AKAP9: variants seen among roughly 807,000 people sequenced by gnomAD.
AKAP9 encodes the protein A-kinase anchor protein 9.
A neutral mutation model predicts 488.5 loss-of-function variants in AKAP9; 311 were observed. The observed-to-expected ratio is 0.64, with a 90% CI of 0.58 to 0.70. The LOEUF (loss-of-function observed/expected upper bound fraction) is 0.70. Among genes scored for constraint, AKAP9 ranks in the 30% least tolerant of loss-of-function variants. AKAP9 has a pLI of 0.00. For missense variants in AKAP9, 4,215 were observed against 4,374.5 expected, an observed-to-expected ratio of 0.96 and a Z score of 1.03; for synonymous variants, 1,462 against 1,483.5, an observed-to-expected ratio of 0.99 and a Z score of 0.33.
At chr7:91,985,299 G>A (rs1379112223) in intron 3 of AKAP9, among the ~76,000 whole-genome samples, 10 of 152,110 alleles carry the variant, frequency 6.6e-5, no homozygotes, top group African/African-American at 7.2e-5. Context: ...TCAATACCTA[G>A]TTTATTGAGA....
rs796606265 is a variant in AKAP9, at chr7:92,091,585, C to CAAAA, written c.9359-1503_9359-1500dup. 2.5e-3 allele frequency among the ~76,000 whole-genome samples: 56 copies of CAAAA among 22,046 alleles called. 2 individuals are homozygous for CAAAA. The highest frequency in any genetic ancestry group is 4.8e-3 in the African/African-American group (39 of 8,102). 14.5% of individuals were successfully genotyped at this position (22,046 alleles called of 152,430 possible). A position where few individuals can be genotyped will look rare whatever the true frequency, so the allele number is the denominator to read the frequency against. On this transcript the variant is annotated intron_variant, in intron 38 of 49. Transcript: ENST00000356239. Reference sequence around the variant, plus strand: ...TGGACGACAGGGCAAGACTCTGTCTCAAAAAAAAAAAACAAAAAAAAAAAA... The same window carrying CAAAA: ...TGGACGACAGGGCAAGACTCTGTCTCAAAAAAAAAAAAAAAACAAAAAAAAAAAA...
intron 6 of AKAP9, among the ~76,000 whole-genome samples, 164 bp downstream of exon 6, chr7:91,994,940 A>G (rs930327212): frequency 6.6e-6 from 1 of 152,182 alleles, no homozygotes; most frequent in African/African-American, 2.4e-5. Context: ...AATTTAATTC[A>G]TACTTCTTAA....
Position 92,085,678 on chromosome 7 carries a change from G to A in AKAP9, c.9016G>A (p.Glu3006Lys). ...DLITKMQLQR[E>K]AEVYDSSQSH... ...AATTACAAAGATGCAACTGCAAAGA[G>A]AAGCCGAGGTAACCAAAGAATACTA... The change falls in exon 36 of 50, where the codon GAA becomes AAA. Residue 3006 changes from glutamate to lysine, a missense_variant. Glu to Lys is a moderately conservative substitution (Grantham distance 56). Transcript: ENST00000356239. 6.2e-7 allele frequency: 1 copy of A among 1,611,778 alleles called. No homozygotes were observed. The highest frequency in any genetic ancestry group is 8.5e-7 in the Non-Finnish European group (1 of 1,178,888).
chr7:92,076,971 C>T lies in AKAP9; in HGVS notation c.6729C>T (p.Arg2243=). The T allele has an allele frequency of 6.3e-7, 1 of 1,577,066 alleles. No individual in the cohort carries two copies. Among genetic ancestry groups the T allele is most frequent in the Non-Finnish European group, 8.6e-7 (1 of 1,156,440 alleles). ...TACAGAAAAAGGAATCTACTACCCG[C>T]CTACAAGAACTTGAACAGGAAAACA... ...LEIQKKESTT[R]LQELEQENKL... The change falls in exon 29 of 50, where the codon CGC becomes CGT. Residue 2243 remains arginine, a synonymous_variant. Transcript: ENST00000356239.
At chr7:92,022,404 T>TAAAA (rs1802449683) in intron 13 of AKAP9, 52 bp downstream of exon 13, 1 of 1,302,386 alleles carries the variant, frequency 7.7e-7, no homozygotes, top group Non-Finnish European at 1.1e-6. Flanking sequence ...AAATATTGAG[T>TAAAA]AATTTGCTTT....
At chr7:92,069,877 A>T (rs890440422) in intron 26 of AKAP9, among the ~76,000 whole-genome samples, 153 bp from the exon 27 acceptor site, 1 of 152,146 alleles carries the variant, frequency 6.6e-6, no homozygotes, top group Non-Finnish European at 1.5e-5. Context: ...GGGTAACATA[A>T]TGAGACTCCA....
intron 29 of AKAP9, 81 bp downstream of exon 29, chr7:92,077,088 ATTTC>A (rs1554448818): frequency 3.6e-6 from 1 of 280,054 alleles, no homozygotes; most frequent in Non-Finnish European, 4.9e-6. Flanking sequence ...TATTATTATT[ATTTC>A]TTTCTTTTTT....
intron 46 of AKAP9, among the ~76,000 whole-genome samples, chr7:92,104,592 G>A (rs180933028): frequency 5.9e-5 from 9 of 152,242 alleles, no homozygotes; most frequent in East Asian, 3.9e-4. Context: ...GGCAGGGAGC[G>A]GTTACAAAGC....
intron 1 of AKAP9, among the ~76,000 whole-genome samples, chr7:91,947,177 T>C (rs73709746): frequency 9.7e-4 from 24 of 24,806 alleles, no homozygotes; most frequent in East Asian, 0.01. Flanking sequence ...TGTGTGTGCG[T>C]GTGTGTGTGT....
intron 1 of AKAP9, among the ~76,000 whole-genome samples, chr7:91,963,432 C>A (rs1286411016): frequency 6.6e-6 from 1 of 150,458 alleles, no homozygotes; most frequent in Non-Finnish European, 1.5e-5. Context: ...CCACAGCAGA[C>A]AAAATAAGTA....
At chr7:91,964,089 A>G (rs542905601) in intron 1 of AKAP9, among the ~76,000 whole-genome samples, 12 of 152,306 alleles carry the variant, frequency 7.9e-5, no homozygotes, top group Admixed American at 3.3e-4. Flanking sequence ...TGCATAACAA[A>G]AGGAAATTTC....
chr7:92,026,404 G>A (rs1038477062), intron 14 of AKAP9, among the ~76,000 whole-genome samples: 1 of 151,932 alleles, frequency 6.6e-6, no homozygotes, highest in African/African-American at 2.4e-5. Context: ...CCGTGATCTC[G>A]GCTCGCTGCA....
intron 8 of AKAP9, among the ~76,000 whole-genome samples, chr7:92,004,206 G>C (rs1799519614): frequency 6.6e-6 from 1 of 152,132 alleles, no homozygotes; most frequent in South Asian, 2.1e-4. Flanking sequence ...GGTTACTGTA[G>C]CCTTGTAGTA....
intron 24 of AKAP9, among the ~76,000 whole-genome samples, chr7:92,064,313 A>G (rs149631130): frequency 1.3e-5 from 2 of 152,086 alleles, no homozygotes. Flanking sequence ...ATGTTGGCAT[A>G]CTAGTTAAAG....
In AKAP9 at chr7:91,992,927, G is replaced by T. The variant is rs1414013018; in HGVS notation, c.448G>T (p.Ala150Ser). Reference sequence around the variant, plus strand: ...TGATGATTCTTATTCTGAACAAGGAGCACAAGACAGTCCGACTCATCTAGA... The same window carrying T: ...TGATGATTCTTATTCTGAACAAGGATCACAAGACAGTCCGACTCATCTAGA... ...GVDDSYSEQG[A>S]QDSPTHLEMM... The change falls in exon 5 of 50, where the codon GCA becomes TCA. Residue 150 changes from alanine (A) to serine (S), a missense_variant. Ala to Ser is a moderately conservative substitution (Grantham distance 99). Around this residue, in one of 5 missense-constraint regions of AKAP9, gnomAD observed 2,361 missense variants for 2,430.0 expected, o/e 0.97. Transcript: ENST00000356239. 6.2e-7 allele frequency: 1 copy of T among 1,613,890 alleles called. No individual in the cohort carries two copies. Among genetic ancestry groups the T allele is most frequent in the Admixed American group, 1.7e-5 (1 of 59,996 alleles).
Position 92,001,220 on chromosome 7 carries a change from G to A in AKAP9, c.1303G>A (p.Ala435Thr), listed in dbSNP as rs769214842. Residue 435 changes from alanine (A) to threonine (T), a missense_variant, in exon 8 of 50, where the codon GCA becomes ACA. Physicochemically the swap from Ala to Thr is moderately conservative, Grantham distance 58 (BLOSUM62 0). This residue lies in a region of AKAP9 where 2,361 missense variants were observed against 2,430.0 expected (regional missense o/e 0.97). Coordinates refer to ENST00000356239, the MANE Select transcript of AKAP9 (RefSeq NM_005751.5). ...ETQRKLEQLRAELDEMYGQQI... is the reference protein window; with the variant it reads ...ETQRKLEQLRTELDEMYGQQI... ...ACAAAGAAAGTTAGAACAACTCCGG[G>A]CAGAGCTGGATGAGATGTATGGGCA... is the stretch of plus-strand genomic sequence containing the variant. The A allele has an allele frequency of 5.0e-6, 8 of 1,613,852 alleles. No homozygotes were observed. Among genetic ancestry groups the A allele is most frequent in the Middle Eastern group, 1.6e-4 (1 of 6,084 alleles).
chr7:92,109,272 G>C (rs78945482), intron 49 of AKAP9, among the ~76,000 whole-genome samples: 2,322 of 152,216 alleles, frequency 0.015, 48 homozygotes, highest in African/African-American at 0.053. Flanking sequence ...TGGATTCCCT[G>C]TTCATGGAAG....
intron 36 of AKAP9, 145 bp downstream of exon 36, chr7:92,085,831 C>T: frequency 3.0e-6 from 2 of 674,038 alleles, no homozygotes; most frequent in Non-Finnish European, 4.5e-6. Flanking sequence ...CAGCCAGAAG[C>T]AGTGCCTCAT....
intron 12 of AKAP9, among the ~76,000 whole-genome samples, chr7:92,018,764 C>T (rs904271463): frequency 6.6e-6 from 1 of 152,134 alleles, no homozygotes; most frequent in African/African-American, 2.4e-5. Flanking sequence ...ATTTGATCCT[C>T]GTAATCTGAA....
Sources: allele counts gnomAD v4.1 joint callset (sites outside exome capture counted in the v4.1 genomes callset), GRCh38; gene constraint gnomAD v4.1.1; regional missense constraint gnomAD v4.1.1; transcripts MANE v1.5; gene names NCBI Gene and HGNC (gene_info 2026-07-23, HGNC 2026-07-21).